KANK1: variants seen among roughly 807,000 people sequenced by gnomAD.
The protein encoded by KANK1 is KN motif and ankyrin repeat domains 1, also known as KN motif and ankyrin repeat domain-containing protein 1.
In KANK1, 109 loss-of-function variants were observed where a neutral mutation model predicts 106.2. The ratio of observed to expected loss-of-function variants is 1.03; its 90% CI spans 0.88 to 1.20. The LOEUF (loss-of-function observed/expected upper bound fraction) is 1.20, where lower values mean the gene tolerates loss of function less well. KANK1 is among the 50% of genes most tolerant of loss of function. KANK1 has a pLI of 0.00. For synonymous variants in KANK1, 873 were observed against 652.2 expected (o/e 1.34, Z -5.16); for missense variants, 2,399 against 1,710.7 (o/e 1.40, Z -7.10).
rs186582549 is a variant in KANK1, at chr9:615,839, C to G, written c.-83-61051C>G. Among the ~76,000 whole-genome samples, 4 of 152,110 alleles carry G rather than the reference C, an allele frequency of 2.6e-5. No homozygotes were observed. The South Asian group carries it at 6.2e-4, about 24-fold the overall frequency. ...TAAAGACCCATGAGGAATGAAAGAA[C>G]GAACAGGGAAAACAACTGCTGAATC... On this transcript the variant is annotated intron_variant, in intron 1 of 11. Transcript: ENST00000382297.
At chr9:737,081 G>A (rs1214476720) in intron 7 of KANK1, among the ~76,000 whole-genome samples, 1 of 152,158 alleles carries the variant, frequency 6.6e-6, no homozygotes, top group Non-Finnish European at 1.5e-5. Context: ...AAAAGTAGTG[G>A]ACGAGTAAAC....
At chr9:683,909 A>G (rs1203291566) in intron 2 of KANK1, among the ~76,000 whole-genome samples, 1 of 152,172 alleles carries the variant, frequency 6.6e-6, no homozygotes, top group Non-Finnish European at 1.5e-5. Context: ...TATAGATGAA[A>G]TAATTTTCTT....
At chr9:685,131 C>G (rs1818303828) in intron 2 of KANK1, among the ~76,000 whole-genome samples, 3 of 152,176 alleles carry the variant, frequency 2.0e-5, no homozygotes, top group Admixed American at 2.0e-4. Context: ...GAAAAGTATG[C>G]TCATGTTTTA....
At chr9:515,711 G>T (rs2059251290) in intron 1 of KANK1, among the ~76,000 whole-genome samples, 1 of 151,910 alleles carries the variant, frequency 6.6e-6, no homozygotes, top group Non-Finnish European at 1.5e-5. Context: ...CCACATAAAT[G>T]TAAAAGAAAA....
chr9:601,936 G>T (rs1806176519), intron 1 of KANK1, among the ~76,000 whole-genome samples: 1 of 151,792 alleles, frequency 6.6e-6, no homozygotes, highest in Non-Finnish European at 1.5e-5. Context: ...CAACTGGGGT[G>T]GCTTTTTGTC....
intron 3 of KANK1, among the ~76,000 whole-genome samples, chr9:491,629 C>T (rs1240527382): frequency 6.6e-6 from 1 of 152,010 alleles, no homozygotes. Flanking sequence ...CATTTGTGGA[C>T]AGGAGAGAAA....
intron 1 of KANK1, among the ~76,000 whole-genome samples, chr9:651,626 T>G (rs1840900293): frequency 6.6e-6 from 1 of 152,226 alleles, no homozygotes; most frequent in Non-Finnish European, 1.5e-5. Flanking sequence ...AATGATGTCT[T>G]CAGTCTTAGG....
intron 1 of KANK1, among the ~76,000 whole-genome samples, chr9:510,322 G>A (rs7862276): frequency 0.16 from 23,769 of 151,996 alleles, 3,325 homozygotes; most frequent in African/African-American, 0.38. Flanking sequence ...GAGCTTGAAA[G>A]GATATAAGAA....
At chr9:676,826 C>G in intron 1 of KANK1, 64 bp from the exon 2 acceptor site, 1 of 602,408 alleles carries the variant, frequency 1.7e-6, no homozygotes, top group East Asian at 2.8e-5. Context: ...AAACAGAAGT[C>G]TAAGATTTAG....
At chr9:655,678 C>T (rs371991525) in intron 1 of KANK1, among the ~76,000 whole-genome samples, 5 of 152,212 alleles carry the variant, frequency 3.3e-5, no homozygotes, top group African/African-American at 1.2e-4. Flanking sequence ...TATGTAAGTG[C>T]TTATCAACAC....
At chr9:555,392 C>T (rs2061521809) in intron 1 of KANK1, among the ~76,000 whole-genome samples, 1 of 152,162 alleles carries the variant, frequency 6.6e-6, no homozygotes, top group Non-Finnish European at 1.5e-5. Context: ...GCAGTGTCAG[C>T]TTTGTGATGA....
chr9:502,842 T>G (rs955999824), upstream of KANK1, among the ~76,000 whole-genome samples: 1 of 151,746 alleles, frequency 6.6e-6, no homozygotes, highest in East Asian at 1.9e-4. Context: ...ACTATTTATT[T>G]ATTTATTTTT....
chr9:743,689 A>AC (rs1393605834), intron 10 of KANK1, among the ~76,000 whole-genome samples: 1 of 151,780 alleles, frequency 6.6e-6, no homozygotes, highest in Non-Finnish European at 1.5e-5. Context: ...ACATAGTGAG[A>AC]CTCCCATCTC....
chr9:743,680 C>T (rs948871627), intron 10 of KANK1, among the ~76,000 whole-genome samples: 5 of 151,874 alleles, frequency 3.3e-5, no homozygotes, highest in Non-Finnish European at 7.4e-5. Context: ...GCCTGGGCAA[C>T]ATAGTGAGAC....
intron 1 of KANK1, among the ~76,000 whole-genome samples, chr9:662,431 A>G (rs1337131132): frequency 1.3e-5 from 2 of 152,180 alleles, no homozygotes; most frequent in Non-Finnish European, 1.5e-5. Flanking sequence ...AAACTATACT[A>G]CAAGGCTTCG....
rs200088017 is a variant in KANK1, at chr9:667,747, G to GTT, written c.-83-9133_-83-9132dup. 2.0e-3 allele frequency among the ~76,000 whole-genome samples: 274 copies of GTT among 133,954 alleles called. 5 individuals are homozygous for GTT. Among genetic ancestry groups the GTT allele is most frequent in the South Asian group, 2.5e-3 (11 of 4,400 alleles). 87.9% of individuals were successfully genotyped at this position (133,954 alleles called of 152,430 possible). ...TAATTTCCAAAGGTTTTTTTGTTTT[G>GTT]TTTTTTTTTTTGAGATGGAGTCTCC... On this transcript the variant is annotated intron_variant, in intron 1 of 11. Coordinates refer to ENST00000382297, the MANE Select transcript of KANK1 (RefSeq NM_015158.5).
At chr9:733,399 C>T (rs1486976750) in intron 6 of KANK1, 1 of 152,202 alleles carries the variant, frequency 6.6e-6, no homozygotes, top group East Asian at 1.9e-4. Context: ...AAGTGTTTCA[C>T]ATGGCTTTTT....
chr9:532,581 C>T (rs2060114700), intron 1 of KANK1, among the ~76,000 whole-genome samples: 1 of 151,846 alleles, frequency 6.6e-6, no homozygotes, highest in African/African-American at 2.4e-5. Flanking sequence ...TACGTTCTAA[C>T]TGTTTTATTT....
At chr9:584,636 CAT>C (rs1158376774) in intron 1 of KANK1, among the ~76,000 whole-genome samples, 1 of 152,082 alleles carries the variant, frequency 6.6e-6, no homozygotes, top group African/African-American at 2.4e-5. Context: ...GACTTGATAA[CAT>C]AGAGCTGTTG....
Sources: gnomAD v4.1 joint callset for allele counts (sites outside exome capture counted in the v4.1 genomes callset) on GRCh38, gnomAD v4.1.1 for gene constraint, MANE v1.5 for transcripts, NCBI Gene and HGNC (gene_info 2026-07-23, HGNC 2026-07-21) for gene names.